KIF26B: variants seen among roughly 807,000 people sequenced by gnomAD.
The protein encoded by KIF26B is kinesin family member 26B.
A neutral mutation model predicts 151.2 loss-of-function variants in KIF26B; 63 were observed. The ratio of observed to expected loss-of-function variants is 0.42; its 90% CI spans 0.34 to 0.51. The LOEUF (loss-of-function observed/expected upper bound fraction) is 0.51, where lower values mean the gene tolerates loss of function less well. KIF26B is among the 20% of genes least tolerant of loss of function. KIF26B has a pLI of 0.07. For missense variants in KIF26B, 2,813 were observed against 2,913.6 expected, an observed-to-expected ratio of 0.97 and a Z score of 0.79; for synonymous variants, 1,357 against 1,262.1, an observed-to-expected ratio of 1.08 and a Z score of -1.59.
At position 245,685,633 on chromosome 1, in the gene KIF26B, G is replaced by A. The variant is rs2044502141; in HGVS notation, c.2650G>A (p.Glu884Lys). The A allele has an allele frequency of 6.2e-7, 1 of 1,613,444 alleles. No individual in the cohort carries two copies. The highest frequency in any genetic ancestry group is 8.5e-7 in the Non-Finnish European group (1 of 1,179,766). ...ALSDKELTDN[E>K]GPPDFVPIVP... ...CTCTGACAAGGAGCTCACCGACAAC[G>A]AGGGCCCCCCAGACTTTGTCCCTAT... The change falls in exon 12 of 15, where the codon GAG becomes AAG. Residue 884 changes from glutamate to lysine, a missense_variant. Glu to Lys is a moderately conservative substitution (Grantham distance 56). This residue lies in a region of KIF26B where 2,060 missense variants were observed against 2,088.6 expected (regional missense o/e 0.99). Transcript: ENST00000407071.
intron 2 of KIF26B, among the ~76,000 whole-genome samples, chr1:245,362,722 C>T (rs59031172): frequency 0.036 from 5,431 of 152,258 alleles, 325 homozygotes; most frequent in African/African-American, 0.12. Flanking sequence ...GATCCGCCCA[C>T]CTCAGCCTCC....
Position 245,464,405 on chromosome 1 carries a change from G to A in KIF26B, c.1166+44660G>A, listed in dbSNP as rs1287879516. On this transcript the variant is annotated intron_variant, in intron 4 of 14. Transcript: ENST00000407071. ...TAGGTGTGTGTGTGTGGGTGTGTGC[G>A]TATGTGGGGGTGTGTGTGGGTGTGT... Among the ~76,000 whole-genome samples, 29 of 148,488 alleles carry A rather than the reference G, an allele frequency of 2.0e-4. 1 individual carries two copies. Among genetic ancestry groups the A allele is most frequent in the South Asian group, 8.7e-4 (4 of 4,610 alleles).
chr1:245,489,053 C>G (rs962774275), intron 4 of KIF26B, among the ~76,000 whole-genome samples: 4 of 152,238 alleles, frequency 2.6e-5, no homozygotes, highest in African/African-American at 9.6e-5. Flanking sequence ...AGCGAATTCT[C>G]ATCTCTTCCA....
At chr1:245,528,359 A>G (rs1661287349) in intron 4 of KIF26B, among the ~76,000 whole-genome samples, 1 of 152,150 alleles carries the variant, frequency 6.6e-6, no homozygotes, top group Non-Finnish European at 1.5e-5. Flanking sequence ...GCAGCAGGCA[A>G]AACTCTGTTC....
chr1:245,684,563 C>T (rs1229351580), intron 11 of KIF26B, among the ~76,000 whole-genome samples, 168 bp downstream of exon 11: 1 of 152,144 alleles, frequency 6.6e-6, no homozygotes, highest in African/African-American at 2.4e-5. Context: ...GCAGGGAAAC[C>T]TTGGGGCTGA....
intron 10 of KIF26B, among the ~76,000 whole-genome samples, chr1:245,652,431 A>C (rs1328828201): frequency 6.6e-6 from 1 of 152,126 alleles, no homozygotes; most frequent in East Asian, 1.9e-4. Context: ...GGGACATCGA[A>C]GTCCCTTTTC....
At chr1:245,454,665 T>C (rs1196824428) in intron 4 of KIF26B, among the ~76,000 whole-genome samples, 3 of 152,200 alleles carry the variant, frequency 2.0e-5, no homozygotes, top group Non-Finnish European at 4.4e-5. Flanking sequence ...TTGAGAAAAC[T>C]ATTGAGGAGG....
intron 2 of KIF26B, among the ~76,000 whole-genome samples, chr1:245,245,043 T>A (rs1318076724): frequency 6.6e-6 from 1 of 152,106 alleles, no homozygotes; most frequent in East Asian, 1.9e-4. Flanking sequence ...CTGAAAGCTG[T>A]AGAACTCCAT....
chr1:245,159,297 A>G (rs1363246738), intron 2 of KIF26B, among the ~76,000 whole-genome samples: 1 of 152,254 alleles, frequency 6.6e-6, no homozygotes, highest in Non-Finnish European at 1.5e-5. Flanking sequence ...TCCTAGGTAG[A>G]TATTTAAAAG....
chr1:245,369,195 G>GAGAGAGAGAGAGAGAC (rs375330671), intron 3 of KIF26B, among the ~76,000 whole-genome samples: 1 of 129,506 alleles, frequency 7.7e-6, no homozygotes, highest in African/African-American at 3.1e-5. Context: ...GAGAGAGAGA[G>GAGAGAGAGAGAGAGAC]AGACAGACAG....
At position 245,540,238 on chromosome 1, in the gene KIF26B, T is replaced by C. The variant is rs1458833125; in HGVS notation, c.1167-529T>C. 6.6e-6 allele frequency among the ~76,000 whole-genome samples: 1 copy of C among 152,216 alleles called. No homozygotes were observed. Among genetic ancestry groups the C allele is most frequent in the Non-Finnish European group, 1.5e-5 (1 of 68,042 alleles). ...TCACCTTCTGATTTGGTGGTATATTTCTAAAACCAGTTTGATTTTTCCTGT... is the reference window on the plus strand; with the variant it reads ...TCACCTTCTGATTTGGTGGTATATTCCTAAAACCAGTTTGATTTTTCCTGT... On this transcript the variant is annotated intron_variant, in intron 4 of 14. Transcript: ENST00000407071. The surrounding 1 kb of genome is among the most constrained non-coding windows in gnomAD (Gnocchi z 4.6).
intron 2 of KIF26B, among the ~76,000 whole-genome samples, chr1:245,176,008 A>G (rs1668801979): frequency 6.7e-6 from 1 of 150,230 alleles, no homozygotes; most frequent in South Asian, 2.1e-4. Context: ...ATAGATATAG[A>G]TATAGATATT....
At chr1:245,292,669 G>T (rs545841203) in intron 2 of KIF26B, among the ~76,000 whole-genome samples, 1 of 152,168 alleles carries the variant, frequency 6.6e-6, no homozygotes, top group African/African-American at 2.4e-5. Flanking sequence ...TCCTTCTGGC[G>T]CTGTCTCCCG....
At chr1:245,222,148 A>G (rs930651133) in intron 2 of KIF26B, among the ~76,000 whole-genome samples, 4 of 152,290 alleles carry the variant, frequency 2.6e-5, no homozygotes, top group Middle Eastern at 3.4e-3. Flanking sequence ...CCTCTTAACA[A>G]ATGGTCTGGG....
chr1:245,484,791 T>TTAC (rs1383521605), intron 4 of KIF26B, among the ~76,000 whole-genome samples: 5 of 150,590 alleles, frequency 3.3e-5, no homozygotes, highest in Admixed American at 3.3e-4. Flanking sequence ...ATTATTATTA[T>TTAC]TATTCTTTTA....
intron 4 of KIF26B, among the ~76,000 whole-genome samples, chr1:245,470,436 T>C (rs1572078330): frequency 6.6e-6 from 1 of 152,252 alleles, no homozygotes; most frequent in Middle Eastern, 3.4e-3. Context: ...ACTTTGTTTT[T>C]GTTTTTGTTT....
intron 2 of KIF26B, among the ~76,000 whole-genome samples, chr1:245,172,533 G>C (rs1466217985): frequency 6.6e-6 from 1 of 152,002 alleles, no homozygotes; most frequent in Non-Finnish European, 1.5e-5. Flanking sequence ...GGCCCAGCTG[G>C]GCATGGTGGC....
chr1:245,638,552 T>C (rs1308379407), intron 9 of KIF26B, among the ~76,000 whole-genome samples: 1 of 151,916 alleles, frequency 6.6e-6, no homozygotes, highest in African/African-American at 2.4e-5. Flanking sequence ...CCACTGAGCA[T>C]CCTTTTCTTA....
chr1:245,443,455 A>G (rs1659167484), intron 4 of KIF26B, among the ~76,000 whole-genome samples: 1 of 87,706 alleles, frequency 1.1e-5, no homozygotes, highest in African/African-American at 4.3e-5. Flanking sequence ...CTCACTGTTC[A>G]CCTAGAGCGG....
Sources: gnomAD v4.1 joint callset for allele counts (sites outside exome capture counted in the v4.1 genomes callset) on GRCh38, gnomAD v4.1.1 for gene constraint, gnomAD v4.1.1 regional missense constraint, Gnocchi (gnomAD v3.1) non-coding constraint, MANE v1.5 for transcripts, NCBI Gene and HGNC (gene_info 2026-07-23, HGNC 2026-07-21) for gene names.